FBXO47: variants seen among roughly 807,000 people sequenced by gnomAD.
FBXO47 encodes the protein F-box protein 47, also known as F-box only protein 47.
FBXO47 carries 34 observed loss-of-function variants against 53.9 expected under a neutral mutation model. That is an observed-to-expected ratio of 0.63 (90% CI 0.48 to 0.84). The LOEUF is 0.84. Among genes scored for constraint, FBXO47 ranks in the 40% least tolerant of loss-of-function variants. FBXO47 has a pLI of 0.00. For missense variants in FBXO47, 485 were observed against 541.3 expected, an observed-to-expected ratio of 0.90 and a Z score of 1.03; for synonymous variants, 165 against 181.6, an observed-to-expected ratio of 0.91 and a Z score of 0.73.
At position 38,936,895 on chromosome 17, in the gene FBXO47, G is replaced by A. The variant is rs1598132804; in HGVS notation, c.*280C>T. The A allele has an allele frequency of 3.9e-6, 1 of 257,544 alleles. No homozygotes were observed. Among genetic ancestry groups the A allele is most frequent in the Non-Finnish European group, 7.3e-6 (1 of 137,828 alleles). The allele number at this position is 257,544 out of a possible 1,614,324, so 16.0% of individuals were successfully genotyped here. A position where few individuals can be genotyped will look rare whatever the true frequency, so the allele number is the denominator to read the frequency against. On this transcript the variant is annotated 3_prime_UTR_variant, in exon 11 of 11. Coordinates refer to ENST00000378079, the MANE Select transcript of FBXO47 (RefSeq NM_001008777.3). Reference sequence around the variant, plus strand: ...ACAGGTTGGCTGGTCCCAGATTCTTGAACAGCTAACATTCTATTTTGGTTT... The same window carrying A: ...ACAGGTTGGCTGGTCCCAGATTCTTAAACAGCTAACATTCTATTTTGGTTT...
At chr17:38,957,929 G>C (rs1438724409) in intron 3 of FBXO47, among the ~76,000 whole-genome samples, 1 of 151,990 alleles carries the variant, frequency 6.6e-6, no homozygotes, top group East Asian at 1.9e-4. Flanking sequence ...CACCTCCCAG[G>C]TTCAAGTGAT....
intron 6 of FBXO47, among the ~76,000 whole-genome samples, chr17:38,951,045 T>G (rs970930824): frequency 6.7e-6 from 1 of 149,154 alleles, no homozygotes; most frequent in Non-Finnish European, 1.5e-5. Context: ...AAACTACAGG[T>G]ACATGCTATC....
At chr17:38,946,193 A>AAAATATATATAAATATATAC (rs1904785825) in intron 6 of FBXO47, among the ~76,000 whole-genome samples, 1 of 115,008 alleles carries the variant, frequency 8.7e-6, no homozygotes, top group Non-Finnish European at 1.6e-5. Flanking sequence ...TAAATATATA[A>AAAATATATATAAATATATAC]AAATATATAT....
At chr17:38,960,316 T>C (rs1905762108) in intron 3 of FBXO47, among the ~76,000 whole-genome samples, 1 of 151,576 alleles carries the variant, frequency 6.6e-6, no homozygotes, top group Non-Finnish European at 1.5e-5. Context: ...AATGACGATA[T>C]GAGAAAATGG....
intron 6 of FBXO47, among the ~76,000 whole-genome samples, chr17:38,948,076 A>G (rs1905029192): frequency 6.6e-6 from 1 of 152,058 alleles, no homozygotes; most frequent in East Asian, 1.9e-4. Flanking sequence ...CCAATTTTAG[A>G]ACATTTTCAT....
intron 6 of FBXO47, among the ~76,000 whole-genome samples, chr17:38,948,793 T>C (rs1421236132): frequency 6.6e-6 from 1 of 152,096 alleles, no homozygotes; most frequent in Non-Finnish European, 1.5e-5. Flanking sequence ...CTGGGATACA[T>C]GGGCAGAACG....
At chr17:38,951,540 T>C (rs1243032780) in intron 6 of FBXO47, 41 bp downstream of exon 6, 2 of 1,404,918 alleles carry the variant, frequency 1.4e-6, no homozygotes, top group Non-Finnish European at 2.0e-6. Flanking sequence ...ATTTTTTCTA[T>C]TTTAATCTCT....
intron 6 of FBXO47, among the ~76,000 whole-genome samples, chr17:38,947,063 T>TATATATAAAC (rs1449915146): frequency 3.0e-5 from 4 of 133,580 alleles, no homozygotes; most frequent in Admixed American, 2.3e-4. Context: ...CATATATAAA[T>TATATATAAAC]ATATATAAAC....
chr17:38,946,267 T>TATATATAAAAATATATATAA (rs1171688037), intron 6 of FBXO47, among the ~76,000 whole-genome samples: 2 of 101,818 alleles, frequency 2.0e-5, no homozygotes, highest in Admixed American at 1.5e-4. Context: ...TATGTATAAA[T>TATATATAAAAATATATATAA]ATATATAAAA....
chr17:38,951,777 T>C, intron 5 of FBXO47, 88 bp from the exon 6 acceptor site: 1 of 962,294 alleles, frequency 1.0e-6, no homozygotes, highest in Non-Finnish European at 1.6e-6. Context: ...ACGCCTGTAA[T>C]CCCAACACTT....
chr17:38,965,129 CG>C (rs1226814215), intron 1 of FBXO47, among the ~76,000 whole-genome samples: 40 of 152,282 alleles, frequency 2.6e-4, no homozygotes, highest in African/African-American at 8.9e-4. Context: ...GGATTACAGG[CG>C]AAAGCCACCA....
intron 5 of FBXO47, among the ~76,000 whole-genome samples, chr17:38,954,396 A>G (rs529991192): frequency 6.6e-6 from 1 of 152,322 alleles, no homozygotes; most frequent in African/African-American, 2.4e-5. Context: ...AATAAACGCT[A>G]GTTATTATCT....
chr17:38,937,944 A>G (rs1033990072), intron 10 of FBXO47, among the ~76,000 whole-genome samples: 2 of 152,252 alleles, frequency 1.3e-5, no homozygotes, highest in Non-Finnish European at 2.9e-5. Flanking sequence ...CTGGGATTAC[A>G]GGCATGAGCC....
intron 6 of FBXO47, among the ~76,000 whole-genome samples, chr17:38,946,333 A>AATATATATAAATATATAGAT (rs1904821306): frequency 1.2e-5 from 1 of 84,986 alleles, no homozygotes; most frequent in Non-Finnish European, 1.9e-5. Context: ...TAAATATATA[A>AATATATATAAATATATAGAT]ATATATATAA....
At position 38,958,036 on chromosome 17, in the gene FBXO47, G is replaced by T. The variant is rs188696912; in HGVS notation, c.353-783C>A. Among the ~76,000 whole-genome samples, 477 of 152,162 alleles carry T rather than the reference G, an allele frequency of 3.1e-3. 1 individual carries two copies. Among genetic ancestry groups the T allele is most frequent in the African/African-American group, 0.011 (453 of 41,510 alleles). ...TTTAGTGACGAGGTTTCACCATGTT[G>T]GCCAGGATGGTCTCGATCTCTTGAC... On this transcript the variant is annotated intron_variant, in intron 3 of 10. Transcript: ENST00000378079.
intron 3 of FBXO47, among the ~76,000 whole-genome samples, chr17:38,960,630 C>CTTT (rs947161295): frequency 3.0e-5 from 4 of 132,522 alleles, no homozygotes; most frequent in Non-Finnish European, 3.2e-5. Context: ...AATTCTTTCT[C>CTTT]TTTTTTTTTT....
chr17:38,947,867 T>C lies in FBXO47; in HGVS notation c.617-2731A>G, dbSNP rs548469412. Among the ~76,000 whole-genome samples the C allele has an allele frequency of 1.8e-4, 27 of 152,088 alleles. No homozygotes were observed. The South Asian group carries it at 5.6e-3, about 32-fold the overall frequency. On this transcript the variant is annotated intron_variant, in intron 6 of 10. Coordinates refer to ENST00000378079, the MANE Select transcript of FBXO47 (RefSeq NM_001008777.3). The stretch of plus-strand genomic sequence containing the variant: ...CAGAGCTTGCAGTGAGCTGAGATCA[T>C]ACCACTGCACTCTAGCCTGGGCGAC...
At position 38,962,067 on chromosome 17, in the gene FBXO47, T is replaced by C; in HGVS notation, c.182-20A>G. 6.3e-7 allele frequency: 1 copy of C among 1,596,580 alleles called. No homozygotes were observed. Among genetic ancestry groups the C allele is most frequent in the Non-Finnish European group, 8.5e-7 (1 of 1,171,122 alleles). On this transcript the variant is annotated intron_variant, in intron 2 of 10. Coordinates refer to ENST00000378079, the MANE Select transcript of FBXO47 (RefSeq NM_001008777.3). ...CCTTCACTACCAAAAGAAATATATA[T>C]GTGTATGTATCAATGGCTTAAATGC...
At position 38,958,666 on chromosome 17, in the gene FBXO47, C is replaced by T. The variant is rs9900643; in HGVS notation, c.353-1413G>A. ...TATGGTAGGAAAATACATACCTGAA[C>T]CTTATGACTTTTTTCAGCTTTCATC... On this transcript the variant is annotated intron_variant, in intron 3 of 10. Coordinates refer to ENST00000378079, the MANE Select transcript of FBXO47 (RefSeq NM_001008777.3). 7.8e-3 allele frequency among the ~76,000 whole-genome samples: 1,190 copies of T among 152,010 alleles called. 18 individuals carry two copies. Among genetic ancestry groups the T allele is most frequent in the African/African-American group, 0.027 (1,128 of 41,474 alleles).
Sources: gnomAD v4.1 joint callset for allele counts (sites outside exome capture counted in the v4.1 genomes callset) on GRCh38, gnomAD v4.1.1 for gene constraint, MANE v1.5 for transcripts, NCBI Gene and HGNC (gene_info 2026-07-23, HGNC 2026-07-21) for gene names.